Variants in PSEN1 observed in about 807,000 individuals in gnomAD.
PSEN1 encodes presenilin-1.
A neutral mutation model predicts 53.5 loss-of-function variants in PSEN1; 15 were observed. The observed-to-expected ratio is 0.28, with a 90% confidence interval of 0.19 to 0.43. The LOEUF is 0.43. Ranked by LOEUF, PSEN1 falls within the 20% of genes least tolerant of loss-of-function variation. The probability of loss-of-function intolerance (pLI) is 1.00; values close to 1 mark genes in which losing one functional copy is unlikely to be tolerated. For missense variants in PSEN1, 387 were observed against 571.2 expected (o/e 0.68, Z 3.29); for synonymous variants, 208 against 209.8 (o/e 0.99, Z 0.08).
At chr14:73,187,553 A>T (rs952814417) in intron 6 of PSEN1, among the ~76,000 whole-genome samples, 4 of 152,204 alleles carry the variant, frequency 2.6e-5, no homozygotes, top group Non-Finnish European at 5.9e-5. Context: ...AAATATGAGA[A>T]TCTATGTGAA....
intron 9 of PSEN1, 24 bp downstream of exon 9, chr14:73,206,496 A>G (rs1899462722): frequency 6.5e-7 from 1 of 1,527,884 alleles, no homozygotes; most frequent in Non-Finnish European, 9.1e-7. Flanking sequence ...ATTAGATAAT[A>G]TCTTGATTTT....
intron 8 of PSEN1, among the ~76,000 whole-genome samples, chr14:73,198,579 C>T (rs1193741882): frequency 6.6e-6 from 1 of 152,000 alleles, no homozygotes; most frequent in Non-Finnish European, 1.5e-5. Flanking sequence ...TCATGAGAGG[C>T]ATACTAAGCA....
chr14:73,181,756 A>T (rs1898220991), intron 5 of PSEN1, among the ~76,000 whole-genome samples: 1 of 152,206 alleles, frequency 6.6e-6, no homozygotes, highest in African/African-American at 2.4e-5. Flanking sequence ...CATGTCTGAA[A>T]GGGAAACGGT....
At chr14:73,161,928 G>A (rs1897552071) in intron 3 of PSEN1, among the ~76,000 whole-genome samples, 1 of 151,364 alleles carries the variant, frequency 6.6e-6, no homozygotes, top group Admixed American at 6.6e-5. Context: ...GCTGAGGCGG[G>A]CGGATCACCT....
chr14:73,158,877 T>C (rs1176879427), intron 3 of PSEN1, among the ~76,000 whole-genome samples: 1 of 152,224 alleles, frequency 6.6e-6, no homozygotes, highest in African/African-American at 2.4e-5. Context: ...TACTTGATAC[T>C]GTCAGTCTTT....
At chr14:73,159,687 G>C (rs987067589) in intron 3 of PSEN1, among the ~76,000 whole-genome samples, 3 of 152,144 alleles carry the variant, frequency 2.0e-5, no homozygotes, top group African/African-American at 7.2e-5. Context: ...CTGTTCTCAT[G>C]GGGAGGCTTT....
intron 6 of PSEN1, 122 bp downstream of exon 6, chr14:73,187,042 A>G (rs769864994): frequency 4.9e-6 from 4 of 814,554 alleles, no homozygotes; most frequent in East Asian, 2.5e-5. Context: ...TTCCACATAT[A>G]GGTCATACTT....
At position 73,162,447 on chromosome 14, in the gene PSEN1, G is replaced by GCTCTCT. The variant is rs35573180; in HGVS notation, c.88-8338_88-8333dup. 6.8e-5 allele frequency among the ~76,000 whole-genome samples: 10 copies of GCTCTCT among 146,112 alleles called. No individual in the cohort carries two copies. The South Asian group carries it at 1.3e-3, about 19-fold the overall frequency. ...CGTTCTCTCTCTCGCTCGCTCGCGC[G>GCTCTCT]CTCTCTCTCTCTCTCTCCATGAGAA... is the stretch of plus-strand genomic sequence containing the variant. On this transcript the variant is annotated intron_variant, in intron 3 of 11. Transcript: ENST00000324501.
In PSEN1 at chr14:73,148,848, G is replaced by A. The variant is rs368562320; in HGVS notation, c.87+742G>A. ...CTCAGGAGGCTGAGCCAGGAGAATCGCTGGAACCCAGGAGGTGGAGGTTAC... is the reference window on the plus strand; with the variant it reads ...CTCAGGAGGCTGAGCCAGGAGAATCACTGGAACCCAGGAGGTGGAGGTTAC... On this transcript the variant is annotated intron_variant, in intron 3 of 11. Transcript: ENST00000324501. 4.6e-5 allele frequency among the ~76,000 whole-genome samples: 7 copies of A among 152,248 alleles called. No individual in the cohort carries two copies. The South Asian group carries it at 1.2e-3, about 27-fold the overall frequency.
intron 3 of PSEN1, among the ~76,000 whole-genome samples, chr14:73,166,350 G>GCAAGAGA (rs1897718074): frequency 6.6e-6 from 1 of 152,162 alleles, no homozygotes; most frequent in Non-Finnish European, 1.5e-5. Context: ...AAGTTTTGAG[G>GCAAGAGA]CAAGAGACTT....
chr14:73,170,141 C>T (rs1346504390), intron 3 of PSEN1, among the ~76,000 whole-genome samples: 1 of 152,130 alleles, frequency 6.6e-6, no homozygotes, highest in Non-Finnish European at 1.5e-5. Context: ...GTATAGTGAG[C>T]AGTGAGGATA....
At chr14:73,141,910 A>G (rs891699521) in intron 1 of PSEN1, among the ~76,000 whole-genome samples, 2 of 152,002 alleles carry the variant, frequency 1.3e-5, no homozygotes, top group Admixed American at 1.3e-4. Flanking sequence ...TACTAAAAAT[A>G]CAAAAAATTA....
intron 8 of PSEN1, among the ~76,000 whole-genome samples, chr14:73,200,487 C>T (rs1899135846): frequency 6.6e-6 from 1 of 152,106 alleles, no homozygotes; most frequent in South Asian, 2.1e-4. Context: ...CCAGGCTGGT[C>T]TCAAGTGATC....
chr14:73,187,038 A>G (rs919825092), intron 6 of PSEN1, 118 bp downstream of exon 6: 6 of 830,874 alleles, frequency 7.2e-6, no homozygotes, highest in Non-Finnish European at 1.2e-5. Context: ...TTGTTTCCAC[A>G]TATAGGTCAT....
intron 6 of PSEN1, among the ~76,000 whole-genome samples, chr14:73,191,990 A>T (rs1898735935): frequency 6.6e-6 from 1 of 152,182 alleles, no homozygotes; most frequent in African/African-American, 2.4e-5. Flanking sequence ...ATGGCATTTT[A>T]GGTATGATAT....
At chr14:73,147,503 A>G (rs1897105702) in intron 1 of PSEN1, 2 of 168,876 alleles carry the variant, frequency 1.2e-5, no homozygotes, top group South Asian at 2.8e-4. Flanking sequence ...GAATTTGGTC[A>G]GCATAGAAAA....
intron 5 of PSEN1, among the ~76,000 whole-genome samples, chr14:73,186,580 C>G (rs934481977): frequency 7.9e-5 from 12 of 152,124 alleles, no homozygotes; most frequent in African/African-American, 2.7e-4. Context: ...AATTTGAGAC[C>G]AGCCTGGGCA....
chr14:73,150,439 C>T (rs751032088), intron 3 of PSEN1, among the ~76,000 whole-genome samples: 7 of 152,056 alleles, frequency 4.6e-5, no homozygotes, highest in South Asian at 2.1e-4. Context: ...GTACATAAAT[C>T]GTATCGCATT....
intron 7 of PSEN1, among the ~76,000 whole-genome samples, chr14:73,194,895 A>G (rs908656383): frequency 2.0e-5 from 3 of 152,164 alleles, no homozygotes; most frequent in Admixed American, 6.5e-5. Flanking sequence ...CATTATTTAC[A>G]TACTTACTAA....
Sources: allele counts gnomAD v4.1 joint callset (sites outside exome capture counted in the v4.1 genomes callset), GRCh38; gene constraint gnomAD v4.1.1; transcripts MANE v1.5; gene names NCBI Gene and HGNC (gene_info 2026-07-23, HGNC 2026-07-21).